Variants in TUBGCP2 observed in about 807,000 individuals in gnomAD.
TUBGCP2 encodes tubulin gamma complex component 2.
In TUBGCP2, 55 loss-of-function variants were observed where a neutral mutation model predicts 92.2. That is an observed-to-expected ratio of 0.60 (90% confidence interval 0.48 to 0.75). The LOEUF is 0.75. Among genes scored for constraint, TUBGCP2 ranks in the 30% least tolerant of loss-of-function variants. The probability of loss-of-function intolerance (pLI) is 0.00; values close to 1 mark genes in which losing one functional copy is unlikely to be tolerated. For synonymous variants in TUBGCP2, 533 were observed against 505.2 expected, an observed-to-expected ratio of 1.06 and a Z score of -0.74; for missense variants, 1,093 against 1,188.9, an observed-to-expected ratio of 0.92 and a Z score of 1.19.
At chr10:133,289,118 T>C in intron 9 of TUBGCP2, 98 bp from the exon 10 acceptor site, 1 of 1,371,008 alleles carries the variant, frequency 7.3e-7, no homozygotes, top group African/African-American at 1.5e-5. Flanking sequence ...GGACATTGAA[T>C]GGGCTCTCCA....
At chr10:133,311,790 C>T, upstream of TUBGCP2, 5 of 1,613,560 alleles carry the variant, frequency 3.1e-6, no homozygotes, top group Non-Finnish European at 4.2e-6. Context: ...TGCTCTGAGC[C>T]TGTGGCAGCC....
chr10:133,310,140 G>A (rs565388811), upstream of TUBGCP2: 20 of 1,613,346 alleles, frequency 1.2e-5, no homozygotes, highest in South Asian at 1.8e-4. Context: ...GGGTCAGAGG[G>A]AGGTGACACG....
At chr10:133,309,814 A>G (rs927554789), upstream of TUBGCP2, 2 of 1,613,552 alleles carry the variant, frequency 1.2e-6, no homozygotes, top group Admixed American at 3.3e-5. Flanking sequence ...GGCTGCTGCC[A>G]GGTGTTCGAT....
chr10:133,285,932 G>A lies in TUBGCP2; in HGVS notation c.1723-304C>T, dbSNP rs1292625366. On this transcript the variant is annotated intron_variant, in intron 11 of 17. Transcript: ENST00000252936. The surrounding 1 kb of genome is among the most constrained non-coding windows in gnomAD (Gnocchi z 6.8). Reference sequence around the variant, plus strand: ...ACGGTGAAAGAAACGTGATTCCTTAGGACGAAAACCTTTGTACCATGATAA... The same window carrying A: ...ACGGTGAAAGAAACGTGATTCCTTAAGACGAAAACCTTTGTACCATGATAA... Among the ~76,000 whole-genome samples the A allele has an allele frequency of 6.6e-6, 1 of 152,138 alleles. No individual in the cohort carries two copies. Among genetic ancestry groups the A allele is most frequent in the Non-Finnish European group, 1.5e-5 (1 of 68,036 alleles).
upstream of TUBGCP2, chr10:133,309,261 G>A: frequency 7.4e-7 from 1 of 1,348,302 alleles, no homozygotes. Flanking sequence ...AACGTGGAGT[G>A]GGCGGGGCCT....
chr10:133,308,311 G>C (rs1209521245), intron 1 of TUBGCP2, among the ~76,000 whole-genome samples: 1 of 152,200 alleles, frequency 6.6e-6, no homozygotes, highest in African/African-American at 2.4e-5. Context: ...GTGTTTCACG[G>C]GAGCTGCGGG....
chr10:133,293,138 G>GT lies in TUBGCP2; in HGVS notation c.924dup (p.Gln309ThrfsTer98). The GT allele has an allele frequency of 6.2e-7, 1 of 1,613,970 alleles. No individual in the cohort carries two copies. Among genetic ancestry groups the GT allele is most frequent in the Non-Finnish European group, 8.5e-7 (1 of 1,180,050 alleles). Reference sequence around the variant, plus strand: ...CCCTGCCTGTGCAGCTGCTCCAGCTGTGACACCAGAATCAGGTGCTCCTTC... The same window carrying GT: ...CCCTGCCTGTGCAGCTGCTCCAGCTGTTGACACCAGAATCAGGTGCTCCTTC... On this transcript the variant is annotated frameshift_variant, in exon 7 of 18. Coordinates refer to ENST00000252936, the MANE Select transcript of TUBGCP2 (RefSeq NM_006659.4). LOFTEE classifies it high-confidence loss of function.
Position 133,285,027 on chromosome 10 carries a change from G to C in TUBGCP2, c.2024+58C>G. On this transcript the variant is annotated intron_variant, in intron 13 of 17. Transcript: ENST00000252936. The surrounding 1 kb of genome is among the most constrained non-coding windows in gnomAD (Gnocchi z 6.8). ...GCACAAGGGGGGCGCTGCACCACTGGGCAGAGTGCAGCGAGCGCTGCTTCA... is the reference window on the plus strand; with the variant it reads ...GCACAAGGGGGGCGCTGCACCACTGCGCAGAGTGCAGCGAGCGCTGCTTCA... 2.6e-6 allele frequency: 4 copies of C among 1,550,078 alleles called. No homozygotes were observed. The highest frequency in any genetic ancestry group is 3.5e-6 in the Non-Finnish European group (4 of 1,145,706).
chr10:133,311,121 G>T (rs1847980988), upstream of TUBGCP2, among the ~76,000 whole-genome samples: 1 of 152,122 alleles, frequency 6.6e-6, no homozygotes, highest in Non-Finnish European at 1.5e-5. Flanking sequence ...TTTAAATTGT[G>T]TTATATTTCT....
At position 133,300,104 on chromosome 10, in the gene TUBGCP2, C is replaced by T. The variant is rs775884347; in HGVS notation, c.160G>A (p.Ala54Thr). ...TCTTCTGGAGTACGAGAAAACTCTG[C>T]AATTTTAACCTCAAAAGCACAAACA... The part of the protein sequence containing the change: ...VSAHSAKVKI[A>T]EFSRTPEDFL... Residue 54 changes from alanine to threonine, a missense_variant, in exon 3 of 18, where the codon GCA becomes ACA. Ala to Thr is a moderately conservative substitution (Grantham distance 58, BLOSUM62 0). Coordinates refer to ENST00000252936, the MANE Select transcript of TUBGCP2 (RefSeq NM_006659.4). 1 of 1,613,278 alleles carries T rather than the reference C, an allele frequency of 6.2e-7. No homozygotes were observed. The highest frequency in any genetic ancestry group is 8.5e-7 in the Non-Finnish European group (1 of 1,179,594).
rs775880020 is a variant in TUBGCP2 at position 133,288,165 on chromosome 10, G to A, written c.1686C>T (p.Ser562=). The part of the protein sequence containing the change: ...EALLELALRM[S]TANTDPFKDD... ...CCTTGAAGGGGTCAGTGTTGGCCGT[G>A]CTCATGCGCAGCGCCAGCTCCAGGA... The change falls in exon 11 of 18, where the codon AGC becomes AGT. Residue 562 remains serine, a synonymous_variant. Coordinates refer to ENST00000252936, the MANE Select transcript of TUBGCP2 (RefSeq NM_006659.4). 12 of 1,613,836 alleles carry A rather than the reference G, an allele frequency of 7.4e-6. No individual in the cohort carries two copies. Among genetic ancestry groups the A allele is most frequent in the Non-Finnish European group, 9.3e-6 (11 of 1,179,938 alleles).
At chr10:133,311,502 G>A (rs1256895536), upstream of TUBGCP2, 1 of 503,084 alleles carries the variant, frequency 2.0e-6, no homozygotes, top group African/African-American at 1.9e-5. Flanking sequence ...AAGTTTATAA[G>A]ATGCAGACTC....
At position 133,283,684 on chromosome 10, in the gene TUBGCP2, TC is replaced by T. The variant is rs1176374228; in HGVS notation, c.2145+197del. Among the ~76,000 whole-genome samples, 30 of 6,110 alleles carry T rather than the reference TC, an allele frequency of 4.9e-3. No homozygotes were observed. The East Asian group carries it at 0.16, about 33-fold the overall frequency. The allele number at this position is 6,110 out of a possible 152,430, so 4.0% of individuals were successfully genotyped here. A position where few individuals can be genotyped will look rare whatever the true frequency, so the allele number is the denominator to read the frequency against. On this transcript the variant is annotated intron_variant, in intron 14 of 17. Transcript: ENST00000252936. ...CGTGTCTCCCTGCACTCCCTGCCTC[TC>T]CCGCATTCCCTGCCTCTCCCGCACG...
At chr10:133,310,611 GGCC>G, upstream of TUBGCP2, 1 of 361,442 alleles carries the variant, frequency 2.8e-6, no homozygotes, top group Non-Finnish European at 5.2e-6. Context: ...TGCAGCAGTC[GGCC>G]GTGGTCATCC....
At chr10:133,309,064 G>A (rs768406655), upstream of TUBGCP2, 22 of 1,291,868 alleles carry the variant, frequency 1.7e-5, no homozygotes, top group African/African-American at 2.6e-4. Context: ...TGCGCGCCCC[G>A]TGCGCTTCCC....
At chr10:133,286,060 A>C (rs569752740) in intron 11 of TUBGCP2, among the ~76,000 whole-genome samples, 2 of 152,298 alleles carry the variant, frequency 1.3e-5, no homozygotes, top group African/African-American at 4.8e-5. Context: ...AGTATTTGCT[A>C]AGTTCCAACC....
At chr10:133,310,358 G>A, upstream of TUBGCP2, 3 of 1,591,268 alleles carry the variant, frequency 1.9e-6, no homozygotes, top group East Asian at 2.2e-5. Context: ...TAGCCGGAAT[G>A]CATAGACGGT....
At chr10:133,301,141 T>C (rs74366063) in intron 2 of TUBGCP2, among the ~76,000 whole-genome samples, 3,248 of 152,332 alleles carry the variant, frequency 0.021, 52 homozygotes, top group Middle Eastern at 0.037. Flanking sequence ...TTATGCTTTT[T>C]CTTTTGGACG....
intron 17 of TUBGCP2, 64 bp from the exon 18 acceptor site, chr10:133,279,965 G>A (rs893888902): frequency 4.5e-6 from 7 of 1,567,186 alleles, no homozygotes; most frequent in African/African-American, 2.7e-5. Context: ...TGGGCAGCAG[G>A]GGTGTGGAAG....
Sources: gnomAD v4.1 joint callset for allele counts (sites outside exome capture counted in the v4.1 genomes callset) on GRCh38, gnomAD v4.1.1 for gene constraint, Gnocchi (gnomAD v3.1) non-coding constraint, MANE v1.5 for transcripts, NCBI Gene and HGNC (gene_info 2026-07-23, HGNC 2026-07-21) for gene names.